Variants in PTPN13 observed in about 807,000 individuals in gnomAD.
PTPN13 encodes protein tyrosine phosphatase non-receptor type 13, also known as tyrosine-protein phosphatase non-receptor type 13.
A neutral mutation model predicts 284.0 loss-of-function variants in PTPN13; 191 were observed. That is an observed-to-expected ratio of 0.67 (90% confidence interval 0.60 to 0.76). PTPN13 has a LOEUF of 0.76. Among genes scored for constraint, PTPN13 ranks in the 30% least tolerant of loss-of-function variants. The probability of loss-of-function intolerance (pLI) is 0.00; values close to 1 mark genes in which losing one functional copy is unlikely to be tolerated. For missense variants in PTPN13, 2,797 were observed against 2,939.9 expected (o/e 0.95, Z 1.12); for synonymous variants, 986 against 1,022.3 (o/e 0.96, Z 0.68).
intron 3 of PTPN13, among the ~76,000 whole-genome samples, chr4:86,678,433 G>A (rs560676481): frequency 6.6e-6 from 1 of 152,278 alleles, no homozygotes; most frequent in Admixed American, 6.5e-5. Context: ...TGGATAGAGG[G>A]ATCATAGCTT....
At chr4:86,740,749 C>T (rs1237905603) in intron 15 of PTPN13, among the ~76,000 whole-genome samples, 1 of 151,938 alleles carries the variant, frequency 6.6e-6, no homozygotes, top group Non-Finnish European at 1.5e-5. Flanking sequence ...ACTGTTATGC[C>T]CTGTTTCCCT....
chr4:86,784,402 G>C (rs1741671978), intron 37 of PTPN13, 63 bp from the exon 38 acceptor site: 1 of 1,070,690 alleles, frequency 9.3e-7, no homozygotes, highest in African/African-American at 1.6e-5. Context: ...ACAATGTGCA[G>C]TCCCCCGATC....
At chr4:86,796,174 T>G (rs12171445) in intron 40 of PTPN13, among the ~76,000 whole-genome samples, 15,137 of 152,238 alleles carry the variant, frequency 0.099, 872 homozygotes, top group Non-Finnish European at 0.11. Flanking sequence ...GGGCAATATA[T>G]TATAATCTAA....
intron 1 of PTPN13, among the ~76,000 whole-genome samples, chr4:86,606,982 A>T (rs1183687300): frequency 2.0e-5 from 3 of 151,922 alleles, no homozygotes; most frequent in Non-Finnish European, 4.4e-5. Flanking sequence ...ATGTTATTCC[A>T]GCTGATAAAT....
At chr4:86,657,764 G>C (rs1443986448) in intron 2 of PTPN13, among the ~76,000 whole-genome samples, 1 of 152,192 alleles carries the variant, frequency 6.6e-6, no homozygotes, top group Non-Finnish European at 1.5e-5. Context: ...AATGGGTCTA[G>C]AAACACCATC....
chr4:86,666,019 ATCCTCACAGCAGCCTTAC>A (rs1727032646), intron 2 of PTPN13, among the ~76,000 whole-genome samples: 1 of 152,116 alleles, frequency 6.6e-6, no homozygotes, highest in Admixed American at 6.5e-5. Flanking sequence ...TTTTTCTTTA[ATCCTCACAGCAGCCTTAC>A]CTATGATGTA....
intron 9 of PTPN13, among the ~76,000 whole-genome samples, chr4:86,719,063 T>C (rs2149078936): frequency 6.6e-6 from 1 of 152,306 alleles, no homozygotes; most frequent in South Asian, 2.1e-4. Flanking sequence ...GTATACATAC[T>C]ATTTTGTCAA....
intron 1 of PTPN13, among the ~76,000 whole-genome samples, chr4:86,617,783 T>C (rs1441949966): frequency 6.6e-6 from 1 of 152,220 alleles, no homozygotes; most frequent in Admixed American, 6.5e-5. Flanking sequence ...GGGTTTTTTT[T>C]CTTGTAAATT....
At chr4:86,746,407 C>A (rs1317996383) in intron 17 of PTPN13, among the ~76,000 whole-genome samples, 3 of 152,172 alleles carry the variant, frequency 2.0e-5, no homozygotes, top group Admixed American at 1.3e-4. Flanking sequence ...TTTACCCAAA[C>A]TGTTTCACAT....
At chr4:86,620,198 C>T (rs144469630) in intron 1 of PTPN13, among the ~76,000 whole-genome samples, 6 of 152,272 alleles carry the variant, frequency 3.9e-5, no homozygotes, top group Admixed American at 1.3e-4. Flanking sequence ...CAAGTTCTTG[C>T]TCTGTTGCCC....
chr4:86,785,518 C>T (rs1488820963), intron 39 of PTPN13, 150 bp downstream of exon 39: 4 of 746,294 alleles, frequency 5.4e-6, no homozygotes, highest in Middle Eastern at 3.0e-4. Flanking sequence ...TTTGTTATCT[C>T]CTATTTTTTT....
chr4:86,606,515 A>G (rs1286546084), intron 1 of PTPN13, among the ~76,000 whole-genome samples: 1 of 151,900 alleles, frequency 6.6e-6, no homozygotes. Context: ...ATAGAAATGA[A>G]TGAATGAAAT....
intron 1 of PTPN13, among the ~76,000 whole-genome samples, chr4:86,623,170 G>A (rs1178724563): frequency 6.6e-6 from 1 of 152,134 alleles, no homozygotes; most frequent in African/African-American, 2.4e-5. Flanking sequence ...CCTCCCGGGG[G>A]TCTGCTGGTG....
At chr4:86,640,317 A>G (rs1236155318) in intron 2 of PTPN13, among the ~76,000 whole-genome samples, 1 of 152,202 alleles carries the variant, frequency 6.6e-6, no homozygotes, top group African/African-American at 2.4e-5. Context: ...GAAAATTTTC[A>G]GAAAATTGGA....
chr4:86,636,103 G>C (rs1722986780), intron 2 of PTPN13, among the ~76,000 whole-genome samples: 1 of 152,142 alleles, frequency 6.6e-6, no homozygotes, highest in South Asian at 2.1e-4. Flanking sequence ...GATTTGACTT[G>C]ATCATGGCAC....
intron 1 of PTPN13, chr4:86,595,849 G>C: frequency 2.7e-6 from 2 of 731,036 alleles, no homozygotes; most frequent in Non-Finnish European, 3.3e-6. Context: ...AAAGGATGGG[G>C]GGGGGAGTAA....
intron 15 of PTPN13, 83 bp downstream of exon 15, chr4:86,735,829 T>A: frequency 1.6e-6 from 2 of 1,275,124 alleles, no homozygotes; most frequent in East Asian, 4.9e-5. Flanking sequence ...ATCTAAGAGT[T>A]CAAGTGCCAG....
In PTPN13 at chr4:86,814,475, A is replaced by C. The variant is rs746257466; in HGVS notation, c.7382A>C (p.Tyr2461Ser). 6.2e-7 allele frequency: 1 copy of C among 1,611,956 alleles called. No individual in the cohort carries two copies. The highest frequency in any genetic ancestry group is 8.5e-7 in the Non-Finnish European group (1 of 1,178,686). ...VQTEDQYIFC[Y>S]QVILYVLTRL... ...CCATAGGATCAATATATTTTCTGCT[A>C]TCAAGTCATCCTTTATGTCCTGACA... The change falls in exon 48 of 48, where the codon TAT becomes TCT. Residue 2461 changes from tyrosine to serine, a missense_variant. Tyr to Ser is a moderately radical substitution (Grantham distance 144). Transcript: ENST00000411767.
intron 6 of PTPN13, among the ~76,000 whole-genome samples, chr4:86,699,021 G>A (rs1730857827): frequency 6.6e-6 from 1 of 151,970 alleles, no homozygotes; most frequent in Non-Finnish European, 1.5e-5. Flanking sequence ...AATTATGAGG[G>A]GGGAATCCAG....
Sources: gnomAD v4.1 joint callset for allele counts (sites outside exome capture counted in the v4.1 genomes callset) on GRCh38, gnomAD v4.1.1 for gene constraint, MANE v1.5 for transcripts, NCBI Gene and HGNC (gene_info 2026-07-23, HGNC 2026-07-21) for gene names.